SCAPER: variants seen among roughly 807,000 people sequenced by gnomAD.
The protein encoded by SCAPER is S phase cyclin A-associated protein in the endoplasmic reticulum.
Under a neutral mutation model 182.2 loss-of-function variants are expected in SCAPER, and 98 were observed. The ratio of observed to expected loss-of-function variants is 0.54; its 90% CI spans 0.46 to 0.64. SCAPER has a LOEUF of 0.64. SCAPER is among the 30% of genes least tolerant of loss of function. SCAPER has a pLI of 0.00. For missense variants in SCAPER, 1,432 were observed against 1,690.0 expected (o/e 0.85, Z 2.68); for synonymous variants, 605 against 564.6 (o/e 1.07, Z -1.01).
rs1177566785 is a variant in SCAPER, at chr15:76,520,675, C to T, written c.2839-15701G>A. ...AAGTGCTGCCTTGCAAGAACTGTCT[C>T]ATATCACAACAGCATGAGGTTGATA... On this transcript the variant is annotated intron_variant, in intron 23 of 31. Transcript: ENST00000563290. 2.6e-5 allele frequency among the ~76,000 whole-genome samples: 4 copies of T among 152,158 alleles called. 1 individual carries two copies. Among genetic ancestry groups the T allele is most frequent in the Admixed American group, 6.5e-5 (1 of 15,272 alleles).
Position 76,404,564 on chromosome 15 carries a change from A to G in SCAPER, c.3427T>C (p.Leu1143=), listed in dbSNP as rs746872042. The part of the protein sequence containing the change: ...AIFLQHAAGL[L]HAMCTLCFAV... ...AAGCACAGTGTACACATTGCATGTAAGAGTCCTGCGGCATGCTGCAGAAAT... is the reference window on the plus strand; with the variant it reads ...AAGCACAGTGTACACATTGCATGTAGGAGTCCTGCGGCATGCTGCAGAAAT... Residue 1143 remains leucine (L), a synonymous_variant, in exon 27 of 32, where the codon TTA becomes CTA. Coordinates refer to ENST00000563290, the MANE Select transcript of SCAPER (RefSeq NM_020843.4). 1 of 1,613,552 alleles carries G rather than the reference A, an allele frequency of 6.2e-7. No individual in the cohort carries two copies. Among genetic ancestry groups the G allele is most frequent in the South Asian group, 1.1e-5 (1 of 91,028 alleles).
intron 22 of SCAPER, among the ~76,000 whole-genome samples, chr15:76,608,573 G>C (rs1472537400): frequency 1.3e-5 from 2 of 152,114 alleles, no homozygotes; most frequent in Non-Finnish European, 2.9e-5. Context: ...AGTCTGCAGA[G>C]GTTACTGCTA....
At chr15:76,863,360 T>C (rs1455260768) in intron 2 of SCAPER, among the ~76,000 whole-genome samples, 1 of 152,186 alleles carries the variant, frequency 6.6e-6, no homozygotes, top group Non-Finnish European at 1.5e-5. Context: ...GTGAAACAAG[T>C]TCACCACTGG....
At chr15:76,516,265 G>A (rs1394418480) in intron 23 of SCAPER, among the ~76,000 whole-genome samples, 1 of 151,560 alleles carries the variant, frequency 6.6e-6, no homozygotes, top group Non-Finnish European at 1.5e-5. Context: ...GAATGTGCAG[G>A]TTTGTTACAT....
chr15:76,742,464 C>A, intron 15 of SCAPER, among the ~76,000 whole-genome samples: 2 of 27,866 alleles, frequency 7.2e-5, no homozygotes, highest in African/African-American at 1.2e-4. Flanking sequence ...GGTGTCTTTT[C>A]CTAAAAAAAA....
At chr15:76,628,413 T>C (rs2052787130) in intron 21 of SCAPER, among the ~76,000 whole-genome samples, 1 of 152,238 alleles carries the variant, frequency 6.6e-6, no homozygotes, top group Non-Finnish European at 1.5e-5. Flanking sequence ...TTTTGGGTTT[T>C]ACATTTAAGT....
chr15:76,569,100 T>A (rs1334836489), intron 23 of SCAPER, among the ~76,000 whole-genome samples: 1 of 152,092 alleles, frequency 6.6e-6, no homozygotes, highest in Non-Finnish European at 1.5e-5. Flanking sequence ...TAAGCAGACG[T>A]CTTGACAGTA....
intron 1 of SCAPER, among the ~76,000 whole-genome samples, chr15:76,899,324 C>G (rs1479679900): frequency 1.3e-5 from 2 of 152,224 alleles, no homozygotes; most frequent in South Asian, 2.1e-4. Flanking sequence ...GCCGCCACTC[C>G]TGACTGGTTT....
chr15:76,893,416 C>G (rs182940190), intron 1 of SCAPER, among the ~76,000 whole-genome samples: 126 of 151,962 alleles, frequency 8.3e-4, no homozygotes, highest in Non-Finnish European at 2.4e-4. Context: ...CATTGGAGCA[C>G]CAAAATTTTA....
intron 17 of SCAPER, among the ~76,000 whole-genome samples, chr15:76,725,203 T>A (rs895738338): frequency 6.6e-6 from 1 of 151,894 alleles, no homozygotes; most frequent in African/African-American, 2.4e-5. Flanking sequence ...GTACAAAAAA[T>A]AAAATACTTA....
At chr15:76,666,298 A>C (rs2146773694) in intron 20 of SCAPER, among the ~76,000 whole-genome samples, 1 of 152,252 alleles carries the variant, frequency 6.6e-6, no homozygotes, top group East Asian at 1.9e-4. Flanking sequence ...AGGCTGCAGG[A>C]AGGAAAAAGA....
intron 23 of SCAPER, among the ~76,000 whole-genome samples, chr15:76,545,483 C>T (rs938939107): frequency 1.2e-4 from 18 of 152,006 alleles, no homozygotes; most frequent in African/African-American, 3.9e-4. Context: ...CATTTTTAGA[C>T]GAGAAAAATA....
intron 30 of SCAPER, among the ~76,000 whole-genome samples, chr15:76,353,517 T>C (rs2040744615): frequency 6.6e-6 from 1 of 152,234 alleles, no homozygotes; most frequent in African/African-American, 2.4e-5. Context: ...AACAGGTTTT[T>C]ATTTTATACA....
intron 27 of SCAPER, among the ~76,000 whole-genome samples, chr15:76,382,769 G>T (rs2043034936): frequency 6.6e-6 from 1 of 152,084 alleles, no homozygotes; most frequent in African/African-American, 2.4e-5. Flanking sequence ...GAGCTAATGG[G>T]GTAGAGGGAG....
intron 20 of SCAPER, among the ~76,000 whole-genome samples, chr15:76,692,366 G>A (rs955304350): frequency 6.6e-6 from 1 of 152,068 alleles, no homozygotes; most frequent in Non-Finnish European, 1.5e-5. Context: ...GAAAGTTAAT[G>A]AGCCACGTAT....
At position 76,381,614 on chromosome 15, in the gene SCAPER, A is replaced by G; in HGVS notation, c.3469T>C (p.Ser1157Pro). Reference sequence around the variant, plus strand: ...CGATTATTGTCAAATATGCTGTATGACCTGACAAAGAAACATTCAGTTCTT... The same window carrying G: ...CGATTATTGTCAAATATGCTGTATGGCCTGACAAAGAAACATTCAGTTCTT... ...CTLCFAVTGR[S>P]YSIFDNNRQD... The change falls in exon 28 of 32, where the codon TCA (serine) becomes CCA (proline). Residue 1157 changes from serine to proline, a missense_variant and splice_region_variant. Ser to Pro is a moderately conservative substitution (Grantham distance 74). Around this residue, in one of 5 missense-constraint regions of SCAPER, gnomAD observed 718 missense variants for 799.7 expected, o/e 0.90. Coordinates refer to ENST00000563290, the MANE Select transcript of SCAPER (RefSeq NM_020843.4). The G allele has an allele frequency of 6.3e-7, 1 of 1,577,720 alleles. No homozygotes were observed. Among genetic ancestry groups the G allele is most frequent in the Non-Finnish European group, 8.6e-7 (1 of 1,160,354 alleles).
chr15:76,904,439 T>C (rs1428153609), intron 1 of SCAPER, among the ~76,000 whole-genome samples: 1 of 152,240 alleles, frequency 6.6e-6, no homozygotes, highest in Admixed American at 6.5e-5. Flanking sequence ...GGAAAATAAC[T>C]TGTCACAACT....
intron 23 of SCAPER, among the ~76,000 whole-genome samples, chr15:76,526,590 A>G (rs968226309): frequency 1.3e-5 from 2 of 152,096 alleles, no homozygotes; most frequent in Admixed American, 6.5e-5. Flanking sequence ...CCATTCTTTC[A>G]CACTTTTTAT....
intron 17 of SCAPER, among the ~76,000 whole-genome samples, chr15:76,725,488 T>C (rs1426544359): frequency 1.3e-5 from 2 of 150,152 alleles, no homozygotes; most frequent in Non-Finnish European, 3.0e-5. Flanking sequence ...TCCCAATGAC[T>C]TCTTTTTTAC....
Sources: allele counts gnomAD v4.1 joint callset (sites outside exome capture counted in the v4.1 genomes callset), GRCh38; gene constraint gnomAD v4.1.1; regional missense constraint gnomAD v4.1.1; transcripts MANE v1.5; gene names NCBI Gene and HGNC (gene_info 2026-07-23, HGNC 2026-07-21).